The following PHRF1 variants were observed in gnomAD, a reference collection of about 807,000 sequenced individuals.
The protein encoded by PHRF1 is PHD and RING finger domain-containing protein 1.
A neutral mutation model predicts 128.9 loss-of-function variants in PHRF1; 53 were observed. That is an observed-to-expected ratio of 0.41 (90% CI 0.33 to 0.52). The LOEUF (loss-of-function observed/expected upper bound fraction) is 0.52. Ranked by LOEUF, PHRF1 falls within the 20% of genes least tolerant of loss-of-function variation. PHRF1 has a pLI of 0.21. For missense variants in PHRF1, 2,503 were observed against 2,284.5 expected (o/e 1.10, Z -1.95); for synonymous variants, 1,178 against 980.6 (o/e 1.20, Z -3.76).
Position 611,551 on chromosome 11 carries a change from A to G in PHRF1, c.4807-83A>G. ...GGCCTGCTCCTGAGCAGGGCAGGCG[A>G]GGGAGCCCAGCTTTGGCCCTGGGCT... On this transcript the variant is annotated intron_variant, in intron 17 of 17. Transcript: ENST00000264555. 4 of 1,586,374 alleles carry G rather than the reference A, an allele frequency of 2.5e-6. No homozygotes were observed. The South Asian group carries it at 3.4e-5, about 13-fold the overall frequency.
chr11:595,846 C>A (rs1214421989), intron 6 of PHRF1, among the ~76,000 whole-genome samples: 1 of 152,242 alleles, frequency 6.6e-6, no homozygotes, highest in East Asian at 1.9e-4. Flanking sequence ...TGTATAAGAA[C>A]AGATGTTAGG....
chr11:590,762 G>T (rs1246582901), intron 4 of PHRF1, among the ~76,000 whole-genome samples: 1 of 152,104 alleles, frequency 6.6e-6, no homozygotes, highest in Non-Finnish European at 1.5e-5. Context: ...GGAGTGCAGT[G>T]GCGCCATCTC....
At chr11:581,682 G>A (rs765624274) in intron 2 of PHRF1, 76 bp downstream of exon 2, 2 of 1,353,070 alleles carry the variant, frequency 1.5e-6, no homozygotes, top group African/African-American at 1.5e-5. Flanking sequence ...GAGGTCGTCT[G>A]TGTGTGTCAC....
At chr11:592,779 A>T (rs1480568153) in intron 6 of PHRF1, 105 bp downstream of exon 6, 1 of 1,280,604 alleles carries the variant, frequency 7.8e-7, no homozygotes. Flanking sequence ...GAGTCCCAGC[A>T]CCTGGAGCTG....
chr11:606,344 A>G (rs1318820701), intron 12 of PHRF1, 98 bp from the exon 13 acceptor site: 11 of 1,413,054 alleles, frequency 7.8e-6, no homozygotes, highest in South Asian at 5.8e-5. Context: ...GCCCAGCCCC[A>G]CTCTCCCTGG....
rs536453512 is a variant in PHRF1 at position 600,953 on chromosome 11, G to A, written c.1025-621G>A. Among the ~76,000 whole-genome samples the A allele has an allele frequency of 7.3e-5, 11 of 151,452 alleles. No individual in the cohort carries two copies. In the East Asian group the frequency reaches 1.8e-3, roughly 25 times the overall value. On this transcript the variant is annotated intron_variant, in intron 9 of 17. Transcript: ENST00000264555. ...TGCATTCCAGCCTGGGTGACAGAGC[G>A]AGACTCCGTCTCAAAAAAACAAAAC... is the stretch of plus-strand genomic sequence containing the variant.
Position 587,312 on chromosome 11 carries a change from CAG to C in PHRF1, c.269_270del (p.Gln90ArgfsTer12), listed in dbSNP as rs1159066832. ...GACATTGCTGGAGGTAGCGGGTACT[CAG>C]GGGAAACTGGAAGCCGCTGGCTCTT... ...GETLLEVAGT[Q>X]GKLEAAGSFN... On this transcript the variant is annotated frameshift_variant, in exon 4 of 18. Coordinates refer to ENST00000264555, the MANE Select transcript of PHRF1 (RefSeq NM_001286581.2). LOFTEE classifies it high-confidence loss of function. The C allele has an allele frequency of 3.1e-6, 5 of 1,613,540 alleles. No homozygotes were observed. Among genetic ancestry groups the C allele is most frequent in the African/African-American group, 1.3e-5 (1 of 74,924 alleles).
At chr11:606,751 G>A (rs1855972843) in intron 13 of PHRF1, 155 bp downstream of exon 13, 5 of 1,173,274 alleles carry the variant, frequency 4.3e-6, no homozygotes, top group Non-Finnish European at 5.8e-6. Context: ...CCCTTCTTGA[G>A]CAGTTTCTCA....
At chr11:580,656 G>A (rs1349334917) in intron 1 of PHRF1, among the ~76,000 whole-genome samples, 1 of 152,228 alleles carries the variant, frequency 6.6e-6, no homozygotes, top group African/African-American at 2.4e-5. Flanking sequence ...GGATGAGGCC[G>A]TTTTGTTCGT....
intron 8 of PHRF1, 46 bp from the exon 9 acceptor site, chr11:598,327 G>A: frequency 1.3e-6 from 2 of 1,589,808 alleles, no homozygotes; most frequent in Non-Finnish European, 1.7e-6. Context: ...TGCTGGACCG[G>A]CTGAGGCCCC....
chr11:601,584 G>A lies in PHRF1; in HGVS notation c.1035G>A (p.Lys345=), dbSNP rs781347666. 1 of 1,613,770 alleles carries A rather than the reference G, an allele frequency of 6.2e-7. No individual in the cohort carries two copies. Among genetic ancestry groups the A allele is most frequent in the East Asian group, 2.2e-5 (1 of 44,880 alleles). Residue 345 remains lysine (K), a synonymous_variant, in exon 10 of 18, where the codon AAG becomes AAA. Transcript: ENST00000264555. Reference sequence around the variant, plus strand: ...ACCTCTTTTCCTTAGGAAGACGGAAGAAAGTGCCGGGAAGAAAGAAAACCC... The same window carrying A: ...ACCTCTTTTCCTTAGGAAGACGGAAAAAAGTGCCGGGAAGAAAGAAAACCC... ...ARRKRKTRRR[K]KVPGRKKTPS...
chr11:599,517 C>G (rs1295080532), intron 9 of PHRF1, among the ~76,000 whole-genome samples: 1 of 152,146 alleles, frequency 6.6e-6, no homozygotes, highest in Non-Finnish European at 1.5e-5. Flanking sequence ...TCCCAAAGTG[C>G]TGGGATTACA....
rs868225405 is a variant in PHRF1 at position 581,857 on chromosome 11, G to A, written c.95-105G>A. ...GCCGGCCCTGGGGAAGCCGTTAGCCGTTTGGCAGGTGCTCCTGACGCCTCT... is the reference window on the plus strand; with the variant it reads ...GCCGGCCCTGGGGAAGCCGTTAGCCATTTGGCAGGTGCTCCTGACGCCTCT... On this transcript the variant is annotated intron_variant, in intron 2 of 17. Coordinates refer to ENST00000264555, the MANE Select transcript of PHRF1 (RefSeq NM_001286581.2). The A allele has an allele frequency of 2.2e-5, 32 of 1,439,386 alleles. No homozygotes were observed. The East Asian group carries it at 2.8e-4, about 13-fold the overall frequency. The allele number at this position is 1,439,386 out of a possible 1,614,324, so 89.2% of individuals were successfully genotyped here.
intron 13 of PHRF1, 173 bp downstream of exon 13, chr11:606,769 C>T: frequency 9.5e-7 from 1 of 1,051,326 alleles, no homozygotes; most frequent in Non-Finnish European, 1.3e-6. Context: ...TCAGTTAGCT[C>T]CGAGTTCTTA....
At chr11:581,771 T>C (rs1263742208) in intron 2 of PHRF1, among the ~76,000 whole-genome samples, 165 bp downstream of exon 2, 4 of 152,268 alleles carry the variant, frequency 2.6e-5, no homozygotes, top group Non-Finnish European at 5.9e-5. Flanking sequence ...TTATTTTTAA[T>C]GCAAACAACA....
intron 9 of PHRF1, among the ~76,000 whole-genome samples, chr11:599,459 C>T (rs1488778897): frequency 6.6e-6 from 1 of 152,006 alleles, no homozygotes; most frequent in Non-Finnish European, 1.5e-5. Flanking sequence ...CCATGTTGGC[C>T]AGGCTGGTCT....
chr11:607,378 C>T lies in PHRF1; in HGVS notation c.1922C>T (p.Pro641Leu). Residue 641 changes from proline to leucine, a missense_variant, in exon 14 of 18, where the codon CCC becomes CTC. Coordinates refer to ENST00000264555, the MANE Select transcript of PHRF1 (RefSeq NM_001286581.2). ...WFNGTNKHTL[P>L]LASAASKISS... ...AACGGCACCAACAAGCACACCTTGC[C>T]CCTTGCCTCTGCCGCGTCTAAGATC... 7.4e-6 allele frequency: 12 copies of T among 1,612,830 alleles called. No individual in the cohort carries two copies. Among genetic ancestry groups the T allele is most frequent in the Non-Finnish European group, 5.1e-6 (6 of 1,179,892 alleles).
chr11:589,370 G>A (rs1854785621), intron 4 of PHRF1, among the ~76,000 whole-genome samples: 2 of 152,202 alleles, frequency 1.3e-5, no homozygotes, highest in Admixed American at 6.5e-5. Flanking sequence ...TTCCCAGCAG[G>A]AGTTCAGGGT....
chr11:608,585 G>A lies in PHRF1; in HGVS notation c.3129G>A (p.Arg1043=). The A allele has an allele frequency of 6.2e-7, 1 of 1,612,252 alleles. No individual in the cohort carries two copies. The highest frequency in any genetic ancestry group is 8.5e-7 in the Non-Finnish European group (1 of 1,179,792). Reference sequence around the variant, plus strand: ...CATCAGTGGGTGAGGAGCGCCCCAGGAGGCAGCGGTCCAAGGCCAAGAGCC... The same window carrying A: ...CATCAGTGGGTGAGGAGCGCCCCAGAAGGCAGCGGTCCAAGGCCAAGAGCC... ...ASPSVGEERP[R]RQRSKAKSRR... is the part of the protein sequence containing the mutation. Residue 1043 remains arginine (R), a synonymous_variant, in exon 14 of 18, where the codon AGG becomes AGA. Coordinates refer to ENST00000264555, the MANE Select transcript of PHRF1 (RefSeq NM_001286581.2).
Sources: allele counts gnomAD v4.1 joint callset (sites outside exome capture counted in the v4.1 genomes callset), GRCh38; gene constraint gnomAD v4.1.1; transcripts MANE v1.5; gene names NCBI Gene and HGNC (gene_info 2026-07-23, HGNC 2026-07-21).